DNAJC1: variants seen among roughly 807,000 people sequenced by gnomAD.
DNAJC1 encodes the protein DnaJ heat shock protein family (Hsp40) member C1, also known as dnaJ homolog subfamily C member 1.
A neutral mutation model predicts 76.6 loss-of-function variants in DNAJC1; 58 were observed. The ratio of observed to expected loss-of-function variants is 0.76; its 90% CI spans 0.61 to 0.94. DNAJC1 has a LOEUF of 0.94. Among genes scored for constraint, DNAJC1 ranks in the 40% least tolerant of loss-of-function variants. The pLI is 0.00. For synonymous variants in DNAJC1, 258 were observed against 267.9 expected, an observed-to-expected ratio of 0.96 and a Z score of 0.36; for missense variants, 689 against 677.3, an observed-to-expected ratio of 1.02 and a Z score of -0.19.
chr10:21,957,361 C>CGG (rs1389912418), intron 1 of DNAJC1, among the ~76,000 whole-genome samples: 4 of 152,026 alleles, frequency 2.6e-5, no homozygotes. Flanking sequence ...AATTCTTTTC[C>CGG]TCTATTATCC....
rs532364894 is a variant in DNAJC1 at position 21,857,693 on chromosome 10, T to TA, written c.978+24588dup. 3.5e-4 allele frequency among the ~76,000 whole-genome samples: 54 copies of TA among 152,218 alleles called. 1 individual carries two copies. In the East Asian group the frequency reaches 9.6e-3, roughly 27 times the overall value. On this transcript the variant is annotated intron_variant, in intron 8 of 11. Coordinates refer to ENST00000376980, the MANE Select transcript of DNAJC1 (RefSeq NM_022365.4). ...TTTGTTGGTGAAACCCCGTCTCTATTAAAAATACAAAAATTATCTGGGCAT... is the reference window on the plus strand; with the variant it reads ...TTTGTTGGTGAAACCCCGTCTCTATTAAAAAATACAAAAATTATCTGGGCAT...
At chr10:21,994,657 G>A (rs1479448191) in intron 1 of DNAJC1, among the ~76,000 whole-genome samples, 1 of 152,000 alleles carries the variant, frequency 6.6e-6, no homozygotes, top group Non-Finnish European at 1.5e-5. Context: ...CAGGCATGGT[G>A]GCGGGCGCCT....
At position 21,759,404 on chromosome 10, in the gene DNAJC1, T is replaced by C. The variant is rs1318214108; in HGVS notation, c.1362A>G (p.Thr454=). Reference sequence around the variant, plus strand: ...ACTTCTCCTCTGGCTCCGGCTTCGCTGTAGCCTCCAGCAGCCTGGCTGGCT... The same window carrying C: ...ACTTCTCCTCTGGCTCCGGCTTCGCCGTAGCCTCCAGCAGCCTGGCTGGCT... The part of the protein sequence containing the change: ...RRKPARLLEA[T]AKPEPEEKSR... The change falls in exon 11 of 12, where the codon ACA becomes ACG. Residue 454 remains threonine, a synonymous_variant. Coordinates refer to ENST00000376980, the MANE Select transcript of DNAJC1 (RefSeq NM_022365.4). The C allele has an allele frequency of 6.2e-7, 1 of 1,614,166 alleles. No homozygotes were observed. Among genetic ancestry groups the C allele is most frequent in the African/African-American group, 1.3e-5 (1 of 75,074 alleles).
chr10:21,795,680 T>C (rs1377666032), intron 9 of DNAJC1, among the ~76,000 whole-genome samples: 2 of 152,212 alleles, frequency 1.3e-5, no homozygotes, highest in Non-Finnish European at 2.9e-5. Context: ...TTAAATCAGG[T>C]ATACAGTACA....
intron 9 of DNAJC1, among the ~76,000 whole-genome samples, chr10:21,774,895 A>G (rs747353103): frequency 6.6e-6 from 1 of 152,246 alleles, no homozygotes; most frequent in Non-Finnish European, 1.5e-5. Context: ...TTCACCTAGC[A>G]CTGATATTCT....
At chr10:21,773,880 G>A (rs900266707) in intron 9 of DNAJC1, among the ~76,000 whole-genome samples, 6 of 151,140 alleles carry the variant, frequency 4.0e-5, no homozygotes, top group Admixed American at 1.3e-4. Context: ...GGTGGCTCAC[G>A]CCTGTAATCC....
At chr10:21,766,607 C>T (rs1834302401) in intron 9 of DNAJC1, among the ~76,000 whole-genome samples, 1 of 152,072 alleles carries the variant, frequency 6.6e-6, no homozygotes, top group Admixed American at 6.6e-5. Flanking sequence ...TGCCTCTTTT[C>T]ATTTTTATTT....
chr10:22,000,166 T>C (rs947628451), intron 1 of DNAJC1, among the ~76,000 whole-genome samples: 5 of 152,168 alleles, frequency 3.3e-5, no homozygotes, highest in Non-Finnish European at 7.3e-5. Flanking sequence ...ATCAGTAAAA[T>C]TCTGTTTGCT....
intron 1 of DNAJC1, among the ~76,000 whole-genome samples, chr10:21,981,266 G>C (rs998428486): frequency 6.6e-6 from 1 of 152,084 alleles, no homozygotes; most frequent in African/African-American, 2.4e-5. Flanking sequence ...CATAGTTTAC[G>C]ATGGTATGGA....
chr10:21,813,800 C>T (rs986012899), intron 8 of DNAJC1, among the ~76,000 whole-genome samples: 1 of 152,100 alleles, frequency 6.6e-6, no homozygotes, highest in Non-Finnish European at 1.5e-5. Context: ...TTCAGGATTC[C>T]CCATCTGTAA....
Position 22,003,197 on chromosome 10 carries a change from G to A in DNAJC1, c.222+16C>T. On this transcript the variant is annotated intron_variant, in intron 1 of 11. Coordinates refer to ENST00000376980, the MANE Select transcript of DNAJC1 (RefSeq NM_022365.4). ...CTGGCCCCTCTCCGCCCGGCCCCGCGCGCCTCCTTGCTTACCTGCTGCACC... is the reference window on the plus strand; with the variant it reads ...CTGGCCCCTCTCCGCCCGGCCCCGCACGCCTCCTTGCTTACCTGCTGCACC... 6.5e-7 allele frequency: 1 copy of A among 1,526,912 alleles called. No individual in the cohort carries two copies. Among genetic ancestry groups the A allele is most frequent in the East Asian group, 2.7e-5 (1 of 36,934 alleles). The allele number at this position is 1,526,912 out of a possible 1,614,324, so 94.6% of individuals were successfully genotyped here.
At chr10:21,974,331 T>G (rs1838029814) in intron 1 of DNAJC1, among the ~76,000 whole-genome samples, 1 of 151,992 alleles carries the variant, frequency 6.6e-6, no homozygotes, top group South Asian at 2.1e-4. Context: ...GGGAGTGAAA[T>G]CAGTACGGCC....
chr10:21,804,765 T>C (rs903576953), intron 9 of DNAJC1, among the ~76,000 whole-genome samples: 12 of 152,002 alleles, frequency 7.9e-5, no homozygotes, highest in Admixed American at 3.3e-4. Flanking sequence ...AAAATCCAGA[T>C]TGTAGTCTTT....
intron 8 of DNAJC1, among the ~76,000 whole-genome samples, chr10:21,837,463 G>T (rs1290331706): frequency 6.6e-6 from 1 of 152,058 alleles, no homozygotes; most frequent in Non-Finnish European, 1.5e-5. Flanking sequence ...TCTAGGAAGT[G>T]AGGAGCGTCT....
At chr10:21,924,123 G>T (rs1280026434) in intron 3 of DNAJC1, among the ~76,000 whole-genome samples, 1 of 151,722 alleles carries the variant, frequency 6.6e-6, no homozygotes, top group African/African-American at 2.4e-5. Flanking sequence ...TAAATTAATT[G>T]CTGTCATTCT....
chr10:21,765,810 C>T (rs931664943), intron 10 of DNAJC1, among the ~76,000 whole-genome samples: 6 of 152,056 alleles, frequency 3.9e-5, no homozygotes, highest in Admixed American at 3.3e-4. Context: ...CGCCACTGCA[C>T]GCTAGCCTGG....
At chr10:21,798,339 C>T (rs1036830867) in intron 9 of DNAJC1, among the ~76,000 whole-genome samples, 1 of 152,222 alleles carries the variant, frequency 6.6e-6, no homozygotes, top group Non-Finnish European at 1.5e-5. Context: ...CACTCCTTTA[C>T]TCAGAATCTT....
intron 6 of DNAJC1, among the ~76,000 whole-genome samples, chr10:21,905,297 T>G (rs926976666): frequency 6.7e-6 from 1 of 149,074 alleles, no homozygotes; most frequent in Non-Finnish European, 1.5e-5. Context: ...ATGACATACA[T>G]AAAAATAAAC....
chr10:21,995,951 T>C (rs1413728313), intron 1 of DNAJC1, among the ~76,000 whole-genome samples: 1 of 152,224 alleles, frequency 6.6e-6, no homozygotes, highest in Non-Finnish European at 1.5e-5. Flanking sequence ...ATATCAACTA[T>C]TCAGTTCTTA....
Sources: gnomAD v4.1 joint callset for allele counts (sites outside exome capture counted in the v4.1 genomes callset) on GRCh38, gnomAD v4.1.1 for gene constraint, MANE v1.5 for transcripts, NCBI Gene and HGNC (gene_info 2026-07-23, HGNC 2026-07-21) for gene names.